TANC1: variants seen among roughly 807,000 people sequenced by gnomAD.
The protein encoded by TANC1 is protein TANC1.
In TANC1, 77 loss-of-function variants were observed where a neutral mutation model predicts 149.7. The observed-to-expected ratio is 0.51, with a 90% CI of 0.43 to 0.62. The LOEUF (loss-of-function observed/expected upper bound fraction) is 0.62. Ranked by LOEUF, TANC1 falls within the 20% of genes least tolerant of loss-of-function variation. The pLI, the probability that TANC1 is intolerant of heterozygous loss-of-function variation, is 0.00. For missense variants in TANC1, 1,985 were observed against 2,321.8 expected (o/e 0.85, Z 2.98); for synonymous variants, 854 against 925.0 (o/e 0.92, Z 1.39).
chr2:159,142,073 T>G (rs934157142), intron 5 of TANC1, among the ~76,000 whole-genome samples: 1 of 152,210 alleles, frequency 6.6e-6, no homozygotes, highest in African/African-American at 2.4e-5. Context: ...GGAAATGGAA[T>G]TGGTGAGAAT....
At chr2:159,091,552 G>A (rs2045544845) in intron 3 of TANC1, among the ~76,000 whole-genome samples, 2 of 152,126 alleles carry the variant, frequency 1.3e-5, no homozygotes, top group African/African-American at 4.8e-5. Flanking sequence ...ATGCCAGTCT[G>A]TTTACTCATC....
At chr2:159,209,603 G>A (rs899333700) in intron 19 of TANC1, among the ~76,000 whole-genome samples, 5 of 152,106 alleles carry the variant, frequency 3.3e-5, no homozygotes, top group Non-Finnish European at 4.4e-5. Flanking sequence ...GAGCCTGACC[G>A]GTCAGCCGCC....
intron 19 of TANC1, among the ~76,000 whole-genome samples, chr2:159,212,648 A>G (rs1018355987): frequency 2.0e-5 from 3 of 152,110 alleles, no homozygotes; most frequent in Non-Finnish European, 4.4e-5. Context: ...CCGGCTGGGC[A>G]TGGTGGTTCA....
chr2:158,978,990 C>T (rs2034000788), intron 1 of TANC1, among the ~76,000 whole-genome samples: 1 of 152,172 alleles, frequency 6.6e-6, no homozygotes, highest in Admixed American at 6.6e-5. Context: ...TTTTTAAGGG[C>T]ATTTCCAATG....
intron 2 of TANC1, among the ~76,000 whole-genome samples, chr2:159,042,233 G>A (rs1336830226): frequency 6.6e-6 from 1 of 152,198 alleles, no homozygotes; most frequent in African/African-American, 2.4e-5. Context: ...AAACCTGTTA[G>A]CACCCTGGTG....
chr2:159,188,044 T>TA (rs1347647792), intron 16 of TANC1, among the ~76,000 whole-genome samples: 6 of 152,172 alleles, frequency 3.9e-5, no homozygotes, highest in Non-Finnish European at 7.3e-5. Flanking sequence ...TTTTAAGAGT[T>TA]AATCATTTTT....
chr2:159,221,178 C>T (rs2059686883), intron 22 of TANC1, among the ~76,000 whole-genome samples: 1 of 151,952 alleles, frequency 6.6e-6, no homozygotes, highest in Non-Finnish European at 1.5e-5. Context: ...GTCAGGAGTT[C>T]GAGATCAAGT....
intron 1 of TANC1, among the ~76,000 whole-genome samples, chr2:158,971,100 A>G (rs979894318): frequency 4.6e-5 from 7 of 152,210 alleles, no homozygotes; most frequent in African/African-American, 1.7e-4. Context: ...GTAGGTTTTG[A>G]CACTGGGTGA....
chr2:159,209,071 AC>A (rs939688984), intron 19 of TANC1, among the ~76,000 whole-genome samples: 2 of 152,204 alleles, frequency 1.3e-5, no homozygotes, highest in African/African-American at 4.8e-5. Context: ...AAACATCATC[AC>A]ACAGCATGTG....
At chr2:159,055,067 T>G (rs1436842974) in intron 2 of TANC1, among the ~76,000 whole-genome samples, 10 of 152,242 alleles carry the variant, frequency 6.6e-5, no homozygotes, top group Admixed American at 6.5e-4. Context: ...AGCTCTGTTG[T>G]ATGACACAAG....
In TANC1 at chr2:159,224,247, G is replaced by C. The variant is rs749391598; in HGVS notation, c.3694G>C (p.Glu1232Gln). The stretch of plus-strand genomic sequence containing the variant: ...GTCTCTGCAGGTGCTGTACCTGGTG[G>C]AGAAGGGAGCCGTGATCGAGCATGT... ...GDAETVLYLV[E>Q]KGAVIEHVDH... is the part of the protein sequence containing the mutation. The change falls in exon 23 of 27, where the codon GAG becomes CAG. Residue 1232 changes from glutamate to glutamine, a missense_variant. Glu to Gln is a conservative substitution (Grantham distance 29). Around this residue, in one of 3 missense-constraint regions of TANC1, gnomAD observed 920 missense variants for 994.7 expected, o/e 0.92. Transcript: ENST00000263635. 8 of 1,614,048 alleles carry C rather than the reference G, an allele frequency of 5.0e-6. No individual in the cohort carries two copies. Among genetic ancestry groups the C allele is most frequent in the South Asian group, 2.2e-5 (2 of 91,090 alleles).
chr2:158,998,061 C>A (rs1410547183), intron 1 of TANC1, among the ~76,000 whole-genome samples: 1 of 152,080 alleles, frequency 6.6e-6, no homozygotes, highest in South Asian at 2.1e-4. Context: ...GAGTTTGAGA[C>A]CAACCTGTGC....
intron 2 of TANC1, among the ~76,000 whole-genome samples, chr2:159,003,694 G>A (rs948295706): frequency 6.6e-6 from 1 of 152,210 alleles, no homozygotes; most frequent in African/African-American, 2.4e-5. Flanking sequence ...GCCTCGGAGA[G>A]GGAGAGGCGG....
Position 159,230,581 on chromosome 2 carries a change from CG to C in TANC1, c.5156del (p.Arg1719ProfsTer35). The C allele has an allele frequency of 6.2e-7, 1 of 1,614,166 alleles. No homozygotes were observed. The highest frequency in any genetic ancestry group is 1.1e-5 in the South Asian group (1 of 91,082). ...VQSGTAEHRP[R>X]NTPFMGIMDK... Reference sequence around the variant, plus strand: ...GAGCGGTACAGCTGAGCACAGACCCCGCAACACGCCGTTCATGGGCATCATG... The same window carrying C: ...GAGCGGTACAGCTGAGCACAGACCCCCAACACGCCGTTCATGGGCATCATG... On this transcript the variant is annotated frameshift_variant, in exon 27 of 27. Transcript: ENST00000263635. LOFTEE classifies it high-confidence loss of function. This position sits in a 1 kb window ranked among gnomAD's most constrained non-coding sequence, Gnocchi z 4.4.
At chr2:159,182,431 A>T (rs1266990760) in intron 14 of TANC1, among the ~76,000 whole-genome samples, 1 of 152,230 alleles carries the variant, frequency 6.6e-6, no homozygotes, top group East Asian at 1.9e-4. Context: ...AATCTTAAAC[A>T]TTTAGCCATG....
At chr2:159,113,983 A>C (rs1227172918) in intron 4 of TANC1, among the ~76,000 whole-genome samples, 3 of 152,218 alleles carry the variant, frequency 2.0e-5, no homozygotes, top group Non-Finnish European at 1.5e-5. Flanking sequence ...ACCCATCTAC[A>C]GCTTCTGTGG....
chr2:158,986,577 G>C (rs1474337818), intron 1 of TANC1, among the ~76,000 whole-genome samples: 1 of 152,144 alleles, frequency 6.6e-6, no homozygotes, highest in African/African-American at 2.4e-5. Context: ...GCCTGTGGTG[G>C]GTTTTGGGGA....
chr2:158,970,933 G>A (rs2032784509), intron 1 of TANC1, among the ~76,000 whole-genome samples: 1 of 152,158 alleles, frequency 6.6e-6, no homozygotes, highest in Admixed American at 6.5e-5. Flanking sequence ...TGCTTTCTTG[G>A]TTTAACCACC....
intron 4 of TANC1, among the ~76,000 whole-genome samples, chr2:159,121,725 A>C (rs538112857): frequency 1.8e-4 from 27 of 152,290 alleles, no homozygotes; most frequent in African/African-American, 6.5e-4. Flanking sequence ...TCTGCCAGAG[A>C]ATTGGTATGG....
Sources: allele counts gnomAD v4.1 joint callset (sites outside exome capture counted in the v4.1 genomes callset), GRCh38; gene constraint gnomAD v4.1.1; regional missense constraint gnomAD v4.1.1; non-coding constraint Gnocchi (gnomAD v3.1); transcripts MANE v1.5; gene names NCBI Gene and HGNC (gene_info 2026-07-23, HGNC 2026-07-21).